The following GRK5 variants were observed in gnomAD, a reference collection of about 807,000 sequenced individuals.
GRK5 encodes the protein G protein-coupled receptor kinase 5.
GRK5 carries 40 observed loss-of-function variants against 78.4 expected under a neutral mutation model. The observed-to-expected ratio is 0.51, with a 90% CI of 0.40 to 0.66. The LOEUF is 0.66. Ranked by LOEUF, GRK5 falls within the 30% of genes least tolerant of loss-of-function variation. The pLI is 0.00. For synonymous variants in GRK5, 289 were observed against 296.8 expected (o/e 0.97, Z 0.27); for missense variants, 598 against 759.9 (o/e 0.79, Z 2.50).
intron 2 of GRK5, among the ~76,000 whole-genome samples, chr10:119,364,619 T>A (rs907632920): frequency 6.6e-6 from 1 of 152,118 alleles, no homozygotes. Flanking sequence ...CTGACTTATC[T>A]AGTACAAAAT....
chr10:119,313,003 TC>T (rs1850394117), intron 1 of GRK5, among the ~76,000 whole-genome samples: 30 of 150,126 alleles, frequency 2.0e-4, no homozygotes, highest in Non-Finnish European at 2.7e-4. Context: ...GTAATGGTGG[TC>T]GTGACGGTGA....
chr10:119,394,309 G>T (rs1589783633), intron 3 of GRK5, among the ~76,000 whole-genome samples: 1 of 2,094 alleles, frequency 4.8e-4, no homozygotes, highest in Non-Finnish European at 9.9e-4. Context: ...TGTCTGTGTG[G>T]GCACGTGGGT....
chr10:119,411,731 G>A lies in GRK5; in HGVS notation c.340-11435G>A, dbSNP rs544822981. 3.3e-5 allele frequency among the ~76,000 whole-genome samples: 5 copies of A among 151,980 alleles called. 1 individual carries two copies. Among genetic ancestry groups the A allele is most frequent in the African/African-American group, 1.2e-4 (5 of 41,480 alleles). On this transcript the variant is annotated intron_variant, in intron 4 of 15. Transcript: ENST00000392870. The stretch of plus-strand genomic sequence containing the variant: ...GAAATGCTCTGTCTCCCAAGATAGA[G>A]CATTCTGTAGCTCCCAGGACTACAA...
In GRK5 at chr10:119,388,763, G is replaced by C. The variant is rs114844660; in HGVS notation, c.261+7836G>C. On this transcript the variant is annotated intron_variant, in intron 3 of 15. Coordinates refer to ENST00000392870, the MANE Select transcript of GRK5 (RefSeq NM_005308.3). The stretch of plus-strand genomic sequence containing the variant: ...GCTGTTGGCTCAAGGTCTCTCATGA[G>C]GTGAGATATTAAGAAGTTGGCTGGG... Among the ~76,000 whole-genome samples the C allele has an allele frequency of 4.4e-3, 677 of 152,342 alleles. 7 individuals are homozygous for C. Among genetic ancestry groups the C allele is most frequent in the African/African-American group, 0.016 (656 of 41,584 alleles).
intron 1 of GRK5, among the ~76,000 whole-genome samples, chr10:119,315,171 A>G (rs1850465231): frequency 6.6e-6 from 1 of 152,134 alleles, no homozygotes. Context: ...GCCCCATACC[A>G]GGGGCCTGTC....
At position 119,360,352 on chromosome 10, in the gene GRK5, G is replaced by A. The variant is rs151272339; in HGVS notation, c.149-20463G>A. On this transcript the variant is annotated intron_variant, in intron 2 of 15. Coordinates refer to ENST00000392870, the MANE Select transcript of GRK5 (RefSeq NM_005308.3). ...TTAGTTGTGCCTTGGAATGGCACAC[G>A]GGGCTGGGTGGGATTCTGGAGGCGC... 2.6e-3 allele frequency among the ~76,000 whole-genome samples: 393 copies of A among 152,340 alleles called. 1 individual carries two copies. Among genetic ancestry groups the A allele is most frequent in the African/African-American group, 9.1e-3 (379 of 41,570 alleles).
chr10:119,384,179 A>G (rs761059802), intron 3 of GRK5, among the ~76,000 whole-genome samples: 4 of 152,196 alleles, frequency 2.6e-5, no homozygotes, highest in Non-Finnish European at 5.9e-5. Context: ...CCCTGCCTGA[A>G]ATCCTCCCCA....
chr10:119,223,237 G>A (rs61876596), intron 1 of GRK5, among the ~76,000 whole-genome samples: 5,348 of 152,212 alleles, frequency 0.035, 126 homozygotes, highest in East Asian at 0.07. Context: ...TTTGTATAAG[G>A]ACACCAGTGC....
intron 1 of GRK5, among the ~76,000 whole-genome samples, chr10:119,239,160 C>A (rs1457392301): frequency 6.6e-6 from 1 of 151,754 alleles, no homozygotes. Context: ...AAGGGCCTTT[C>A]CCATGCTGGG....
At chr10:119,355,820 CT>C (rs1851256524) in intron 2 of GRK5, among the ~76,000 whole-genome samples, 1 of 151,986 alleles carries the variant, frequency 6.6e-6, no homozygotes. Flanking sequence ...CCTTTGGGAT[CT>C]ATAATAATTT....
chr10:119,358,052 C>T (rs565061185), intron 2 of GRK5, among the ~76,000 whole-genome samples: 18 of 152,294 alleles, frequency 1.2e-4, no homozygotes, highest in Non-Finnish European at 2.1e-4. Flanking sequence ...GATGGAATCA[C>T]GGATGGCCCG....
At chr10:119,282,432 C>T (rs1849777119) in intron 1 of GRK5, among the ~76,000 whole-genome samples, 1 of 152,212 alleles carries the variant, frequency 6.6e-6, no homozygotes, top group Non-Finnish European at 1.5e-5. Context: ...GGCAGCCCGT[C>T]TCACCAGGCT....
At chr10:119,274,735 C>T (rs1849639664) in intron 1 of GRK5, among the ~76,000 whole-genome samples, 1 of 152,162 alleles carries the variant, frequency 6.6e-6, no homozygotes, top group South Asian at 2.1e-4. Flanking sequence ...TTCTCTGTCC[C>T]CTTAGCTGAG....
At chr10:119,436,870 G>A in intron 9 of GRK5, 29 bp downstream of exon 9, 1 of 1,559,284 alleles carries the variant, frequency 6.4e-7, no homozygotes, top group Non-Finnish European at 8.7e-7. Context: ...GGACTTCCAA[G>A]TCTAAGTCCG....
At chr10:119,356,821 A>C (rs1252009533) in intron 2 of GRK5, among the ~76,000 whole-genome samples, 2 of 152,244 alleles carry the variant, frequency 1.3e-5, no homozygotes, top group Non-Finnish European at 2.9e-5. Context: ...TTTTCAATGC[A>C]ATCTACAGGA....
chr10:119,357,493 C>T (rs1452084480), intron 2 of GRK5, among the ~76,000 whole-genome samples: 3 of 152,328 alleles, frequency 2.0e-5, no homozygotes, highest in East Asian at 1.9e-4. Context: ...CATCCTGGTG[C>T]GTGCCTTCCT....
intron 2 of GRK5, among the ~76,000 whole-genome samples, chr10:119,371,687 G>C (rs924759484): frequency 6.6e-6 from 1 of 152,224 alleles, no homozygotes; most frequent in Non-Finnish European, 1.5e-5. Flanking sequence ...GGGAACTCCT[G>C]CCTGCTTTGG....
At chr10:119,301,453 G>A (rs1850179761) in intron 1 of GRK5, among the ~76,000 whole-genome samples, 1 of 152,178 alleles carries the variant, frequency 6.6e-6, no homozygotes, top group East Asian at 1.9e-4. Flanking sequence ...ACACATAGTG[G>A]GTGTTCACAG....
At chr10:119,350,744 T>C (rs1260580354) in intron 2 of GRK5, among the ~76,000 whole-genome samples, 1 of 152,182 alleles carries the variant, frequency 6.6e-6, no homozygotes, top group Non-Finnish European at 1.5e-5. Context: ...CAAAAGCTGT[T>C]TGAGTTTCAT....
Sources: allele counts gnomAD v4.1 joint callset (sites outside exome capture counted in the v4.1 genomes callset), GRCh38; gene constraint gnomAD v4.1.1; transcripts MANE v1.5; gene names NCBI Gene and HGNC (gene_info 2026-07-23, HGNC 2026-07-21).